Variants in PCDHGA10 observed in about 807,000 individuals in gnomAD.
The protein encoded by PCDHGA10 is protocadherin gamma subfamily A, 10, also known as protocadherin gamma-A10.
PCDHGA10 carries 42 observed loss-of-function variants against 59.5 expected under a neutral mutation model. That is an observed-to-expected ratio of 0.71 (90% CI 0.55 to 0.91). PCDHGA10 has a LOEUF of 0.91. Ranked by LOEUF, PCDHGA10 falls within the 40% of genes least tolerant of loss-of-function variation. The pLI is 0.00. For missense variants in PCDHGA10, 1,111 were observed against 1,198.2 expected (o/e 0.93, Z 1.07); for synonymous variants, 511 against 517.2 (o/e 0.99, Z 0.16).
chr5:141,428,176 A>G (rs751446929), intron 1 of PCDHGA10: 21 of 1,507,402 alleles, frequency 1.4e-5, no homozygotes, highest in Non-Finnish European at 1.9e-5. Context: ...TGCGTGACGG[A>G]GGACAGCCGC....
chr5:141,460,507 G>A (rs2098991001), intron 1 of PCDHGA10, among the ~76,000 whole-genome samples: 1 of 152,036 alleles, frequency 6.6e-6, no homozygotes. Context: ...ATGCTGAGAA[G>A]GCTATCTTTT....
chr5:141,477,263 G>A lies in PCDHGA10; in HGVS notation c.2437-17544G>A, dbSNP rs543767777. 1.4e-5 allele frequency: 23 copies of A among 1,614,192 alleles called. No individual in the cohort carries two copies. The highest frequency in any genetic ancestry group is 1.8e-5 in the Non-Finnish European group (21 of 1,180,046). On this transcript the variant is annotated intron_variant, in intron 1 of 3. Transcript: ENST00000398610. The surrounding 1 kb of genome is among the most constrained non-coding windows in gnomAD (Gnocchi z 4.9). The stretch of plus-strand genomic sequence containing the variant: ...CAGTGTGACTGACCTGGATGCTGGC[G>A]AGAACGGGCTGGTGACCTGCGAAGT...
At chr5:141,494,972 C>G in intron 2 of PCDHGA10, 107 bp downstream of exon 2, 1 of 1,581,852 alleles carries the variant, frequency 6.3e-7, no homozygotes, top group Non-Finnish European at 8.6e-7. Context: ...TGGCTTCTCC[C>G]TCAGTTTGAG....
chr5:141,419,395 G>T (rs374575981), intron 1 of PCDHGA10: 50 of 1,613,478 alleles, frequency 3.1e-5, no homozygotes, highest in Non-Finnish European at 4.0e-5. Flanking sequence ...CGCAGAGCGG[G>T]GTGGTGTTCG....
At position 141,489,257 on chromosome 5, in the gene PCDHGA10, T is replaced by TC. The variant is rs773157586; in HGVS notation, c.2437-5547dup. The stretch of plus-strand genomic sequence containing the variant: ...TTCTGGGTCATGGGGCCCAAGACAC[T>TC]CCCACAGCTCGCTGGGAAATGGCAA... On this transcript the variant is annotated intron_variant, in intron 1 of 3. Coordinates refer to ENST00000398610, the MANE Select transcript of PCDHGA10 (RefSeq NM_018913.3). The surrounding 1 kb of genome is among the most constrained non-coding windows in gnomAD (Gnocchi z 4.5). 1 of 1,550,308 alleles carries TC rather than the reference T, an allele frequency of 6.5e-7. No homozygotes were observed. Among genetic ancestry groups the TC allele is most frequent in the Non-Finnish European group, 8.7e-7 (1 of 1,148,342 alleles).
In PCDHGA10 at chr5:141,432,887, T is replaced by G. The variant is rs146168033; in HGVS notation, c.2436+17276T>G. 2.8e-4 allele frequency: 451 copies of G among 1,614,156 alleles called. No individual in the cohort carries two copies. In the African/African-American group the frequency reaches 4.6e-3, roughly 17 times the overall value. ...CTGCGTCTTCCTGGCCTTCGTCATC[T>G]TGCTGCTGGCGCTCAGGCTGCGGCG... is the stretch of plus-strand genomic sequence containing the variant. On this transcript the variant is annotated intron_variant, in intron 1 of 3. Transcript: ENST00000398610. The surrounding 1 kb of genome is among the most constrained non-coding windows in gnomAD (Gnocchi z 6.0).
intron 1 of PCDHGA10, among the ~76,000 whole-genome samples, chr5:141,437,550 A>T (rs866913156): frequency 6.6e-6 from 1 of 152,192 alleles, no homozygotes; most frequent in African/African-American, 2.4e-5. Context: ...AGTTTTCTTT[A>T]TGACATGTAA....
intron 1 of PCDHGA10, chr5:141,478,174 G>GA (rs1156842877): frequency 3.7e-6 from 6 of 1,613,692 alleles, no homozygotes; most frequent in South Asian, 1.1e-5. Context: ...CCCGGGAGCA[G>GA]AAAAAAAATC....
Position 141,429,441 on chromosome 5 carries a change from T to C in PCDHGA10, c.2436+13830T>C, listed in dbSNP as rs541676798. On this transcript the variant is annotated intron_variant, in intron 1 of 3. Transcript: ENST00000398610. ...TGTTGCCCAGGCTGGACTCAAACTCTTGGGCTACAGTAATCCTCCCACCTC... is the reference window on the plus strand; with the variant it reads ...TGTTGCCCAGGCTGGACTCAAACTCCTGGGCTACAGTAATCCTCCCACCTC... 1.5e-4 allele frequency among the ~76,000 whole-genome samples: 23 copies of C among 152,170 alleles called. No individual in the cohort carries two copies. The South Asian group carries it at 4.6e-3, about 30-fold the overall frequency.
chr5:141,485,275 G>T lies in PCDHGA10; in HGVS notation c.2437-9532G>T, dbSNP rs77402299. ...ACGTTTGTGGGCAGATCCGCTACCC[G>T]GTCCCAGAGGAGTCACAGGAAGGGA... is the stretch of plus-strand genomic sequence containing the variant. On this transcript the variant is annotated intron_variant, in intron 1 of 3. Coordinates refer to ENST00000398610, the MANE Select transcript of PCDHGA10 (RefSeq NM_018913.3). The surrounding 1 kb of genome is among the most constrained non-coding windows in gnomAD (Gnocchi z 5.7). 1.1e-5 allele frequency: 18 copies of T among 1,614,072 alleles called. No individual in the cohort carries two copies. The South Asian group carries it at 1.4e-4, about 13-fold the overall frequency.
chr5:141,485,735 G>C lies in PCDHGA10; in HGVS notation c.2437-9072G>C, dbSNP rs1562107417. ...ACTGGATGTGAAGAAGCGCAGCGAC[G>C]GCAGCCTGGTCCCAGAGCTGCTCCT... is the stretch of plus-strand genomic sequence containing the variant. On this transcript the variant is annotated intron_variant, in intron 1 of 3. Coordinates refer to ENST00000398610, the MANE Select transcript of PCDHGA10 (RefSeq NM_018913.3). This position sits in a 1 kb window ranked among gnomAD's most constrained non-coding sequence, Gnocchi z 5.7. 2.5e-6 allele frequency: 4 copies of C among 1,614,048 alleles called. No individual in the cohort carries two copies. The highest frequency in any genetic ancestry group is 3.4e-6 in the Non-Finnish European group (4 of 1,180,044).
chr5:141,429,232 G>T (rs938585192), intron 1 of PCDHGA10: 2 of 151,668 alleles, frequency 1.3e-5, no homozygotes, highest in Non-Finnish European at 2.9e-5. Flanking sequence ...TTATGATACT[G>T]CTGTCATTGA....
chr5:141,442,596 T>C (rs2154559877), intron 1 of PCDHGA10: 1 of 152,310 alleles, frequency 6.6e-6, no homozygotes, highest in South Asian at 2.1e-4. Flanking sequence ...TTAAATATTT[T>C]CAGAGATCTC....
rs1008664105 is a variant in PCDHGA10, at chr5:141,432,402, T to C, written c.2436+16791T>C. 6.2e-7 allele frequency: 1 copy of C among 1,614,194 alleles called. No homozygotes were observed. The highest frequency in any genetic ancestry group is 1.1e-5 in the South Asian group (1 of 91,082). On this transcript the variant is annotated intron_variant, in intron 1 of 3. Transcript: ENST00000398610. The surrounding 1 kb of genome is among the most constrained non-coding windows in gnomAD (Gnocchi z 6.0). ...CCGCCCCTCAGCAGCAACGTGTCGT[T>C]GAGCCTGTTCGTGCTGGACCAGAAC...
chr5:141,415,740 G>GTTTTTTTTTTTTTTTT (rs57426385), intron 1 of PCDHGA10, 129 bp downstream of exon 1: 34 of 625,042 alleles, frequency 5.4e-5, no homozygotes, highest in African/African-American at 2.0e-4. Flanking sequence ...GTTTATTAAG[G>GTTTTTTTTTTTTTTTT]TTTTTTTTTT....
rs145936007 is a variant in PCDHGA10, at chr5:141,490,795, C to T, written c.2437-4012C>T. 2.0e-5 allele frequency: 33 copies of T among 1,614,036 alleles called. No homozygotes were observed. Among genetic ancestry groups the T allele is most frequent in the Non-Finnish European group, 2.8e-5 (33 of 1,179,922 alleles). ...CCCAGAGGATGGACGGATCTTTGCC[C>T]AGCGTACCTTTGACTATGAATTGCT... On this transcript the variant is annotated intron_variant, in intron 1 of 3. Coordinates refer to ENST00000398610, the MANE Select transcript of PCDHGA10 (RefSeq NM_018913.3). This position sits in a 1 kb window ranked among gnomAD's most constrained non-coding sequence, Gnocchi z 5.4.
At chr5:141,459,568 CAG>C (rs930633590) in intron 1 of PCDHGA10, among the ~76,000 whole-genome samples, 1 of 152,152 alleles carries the variant, frequency 6.6e-6, no homozygotes, top group Non-Finnish European at 1.5e-5. Context: ...TACCCCAAAA[CAG>C]AATTGTTTTG....
At chr5:141,509,845 C>G (rs1021433327) in intron 3 of PCDHGA10, among the ~76,000 whole-genome samples, 1 of 152,190 alleles carries the variant, frequency 6.6e-6, no homozygotes, top group African/African-American at 2.4e-5. Context: ...CCCATTCACT[C>G]AGAACAGGGA....
intron 1 of PCDHGA10, among the ~76,000 whole-genome samples, chr5:141,435,286 A>G (rs1179151461): frequency 6.6e-6 from 1 of 152,194 alleles, no homozygotes; most frequent in Non-Finnish European, 1.5e-5. Context: ...CAGTATCCCA[A>G]GTCATTTCAT....
Sources: allele counts gnomAD v4.1 joint callset (sites outside exome capture counted in the v4.1 genomes callset), GRCh38; gene constraint gnomAD v4.1.1; non-coding constraint Gnocchi (gnomAD v3.1); transcripts MANE v1.5; gene names NCBI Gene and HGNC (gene_info 2026-07-23, HGNC 2026-07-21).